Variants in ERBIN observed in about 807,000 individuals in gnomAD.
The protein encoded by ERBIN is densin-180-like protein.
Under a neutral mutation model 158.4 loss-of-function variants are expected in ERBIN, and 60 were observed. The observed-to-expected ratio is 0.38, with a 90% CI of 0.31 to 0.47. The LOEUF is 0.47. Ranked by LOEUF, ERBIN falls within the 20% of genes least tolerant of loss-of-function variation. The pLI is 0.99. For synonymous variants in ERBIN, 594 were observed against 557.2 expected, an observed-to-expected ratio of 1.07 and a Z score of -0.93; for missense variants, 1,610 against 1,648.0, an observed-to-expected ratio of 0.98 and a Z score of 0.40.
intron 14 of ERBIN, among the ~76,000 whole-genome samples, chr5:66,031,419 T>A (rs1369525686): frequency 6.6e-6 from 1 of 152,212 alleles, no homozygotes; most frequent in African/African-American, 2.4e-5. Context: ...TTTAATACAA[T>A]GTGGTTAAAA....
At chr5:66,038,509 G>T in intron 15 of ERBIN, 27 bp downstream of exon 15, 1 of 1,519,458 alleles carries the variant, frequency 6.6e-7, no homozygotes, top group South Asian at 1.2e-5. Flanking sequence ...CGATTTTCTT[G>T]TTAAAAACAA....
At chr5:66,042,432 T>A (rs181707142) in intron 15 of ERBIN, among the ~76,000 whole-genome samples, 1 of 151,052 alleles carries the variant, frequency 6.6e-6, no homozygotes, top group Non-Finnish European at 1.5e-5. Context: ...CAGGTTTTGA[T>A]TTTTTTTTGA....
chr5:66,049,434 G>A (rs1188131561), intron 19 of ERBIN, among the ~76,000 whole-genome samples: 1 of 151,970 alleles, frequency 6.6e-6, no homozygotes, highest in Non-Finnish European at 1.5e-5. Context: ...GGTTCATTTT[G>A]TAGTAGTGAT....
At chr5:65,994,970 A>C (rs956185058) in intron 4 of ERBIN, 106 bp downstream of exon 4, 7 of 681,946 alleles carry the variant, frequency 1.0e-5, no homozygotes, top group Non-Finnish European at 1.2e-5. Flanking sequence ...GTTAAATCTA[A>C]TGTATTAATA....
chr5:65,967,962 G>A (rs1748846824), intron 1 of ERBIN, among the ~76,000 whole-genome samples: 1 of 152,198 alleles, frequency 6.6e-6, no homozygotes, highest in African/African-American at 2.4e-5. Context: ...CAGAGGGCAA[G>A]TGGATGAAAG....
intron 21 of ERBIN, among the ~76,000 whole-genome samples, chr5:66,071,886 AATAAC>A (rs1761564523): frequency 1.3e-5 from 2 of 152,296 alleles, no homozygotes; most frequent in South Asian, 4.1e-4. Flanking sequence ...AAAAGGAAAA[AATAAC>A]ATGCAAAATT....
At chr5:65,965,399 T>G (rs79383165) in intron 1 of ERBIN, among the ~76,000 whole-genome samples, 121 of 7,778 alleles carry the variant, frequency 0.016, no homozygotes, top group African/African-American at 0.034. Flanking sequence ...TTTTTTTTTT[T>G]TTTTTTTTTT....
At chr5:66,015,836 A>AAAAC (rs1272707257) in intron 7 of ERBIN, among the ~76,000 whole-genome samples, 5 of 152,208 alleles carry the variant, frequency 3.3e-5, no homozygotes, top group Non-Finnish European at 7.3e-5. Flanking sequence ...ACCCTGGCTC[A>AAAAC]AAACAAACAA....
At chr5:65,940,178 G>A (rs1416360958) in intron 1 of ERBIN, among the ~76,000 whole-genome samples, 2 of 151,294 alleles carry the variant, frequency 1.3e-5, no homozygotes, top group African/African-American at 4.9e-5. Flanking sequence ...TCTAAGATGT[G>A]GGGAGCGCCT....
At chr5:66,055,746 A>G (rs1166054691) in intron 21 of ERBIN, among the ~76,000 whole-genome samples, 1 of 152,180 alleles carries the variant, frequency 6.6e-6, no homozygotes, top group African/African-American at 2.4e-5. Flanking sequence ...TCTTTATTAA[A>G]TATAAAATGT....
chr5:66,015,061 T>C (rs1397962745), intron 7 of ERBIN, among the ~76,000 whole-genome samples: 1 of 152,164 alleles, frequency 6.6e-6, no homozygotes, highest in African/African-American at 2.4e-5. Flanking sequence ...ATACACATAG[T>C]GCTCATTAGA....
At position 66,072,179 on chromosome 5, in the gene ERBIN, A is replaced by G. The variant is rs941820225; in HGVS notation, c.3644A>G (p.Gln1215Arg). The part of the protein sequence containing the change: ...EAKKLEKKHP[Q>R]TSSSGDPCQD... ...TTTCCTGCTCATTAGAAGCATCCCC[A>G]GACATCCAGTTCAGGAGATCCTTGT... The change falls in exon 22 of 26, where the codon CAG becomes CGG. Residue 1215 changes from glutamine (Q) to arginine (R), a missense_variant. Around this residue, in one of 2 missense-constraint regions of ERBIN, gnomAD observed 1,014 missense variants for 936.1 expected, o/e 1.08. Coordinates refer to ENST00000284037, the MANE Select transcript of ERBIN (RefSeq NM_001253697.2). 2 of 1,549,898 alleles carry G rather than the reference A, an allele frequency of 1.3e-6. No individual in the cohort carries two copies. Among genetic ancestry groups the G allele is most frequent in the Non-Finnish European group, 1.7e-6 (2 of 1,146,696 alleles).
At chr5:65,927,286 G>T (rs1051775915) in intron 1 of ERBIN, among the ~76,000 whole-genome samples, 1 of 152,070 alleles carries the variant, frequency 6.6e-6, no homozygotes, top group South Asian at 2.1e-4. Flanking sequence ...GTATATAGAG[G>T]TATTTATTTT....
chr5:65,939,853 A>G (rs952990404), intron 1 of ERBIN, among the ~76,000 whole-genome samples: 29 of 151,894 alleles, frequency 1.9e-4, no homozygotes, highest in South Asian at 4.1e-4. Context: ...TCAGTGCTCA[A>G]TGGTGCCCAG....
chr5:66,057,695 T>TC (rs71610513), intron 21 of ERBIN, among the ~76,000 whole-genome samples: 3 of 115,664 alleles, frequency 2.6e-5, no homozygotes, highest in Non-Finnish European at 3.5e-5. Context: ...ATGCTATCCC[T>TC]CCCCCCTCCC....
Position 66,025,981 on chromosome 5 carries a change from A to G in ERBIN, c.1020+4A>G. The G allele has an allele frequency of 6.3e-7, 1 of 1,577,138 alleles. No homozygotes were observed. The highest frequency in any genetic ancestry group is 2.3e-5 in the East Asian group (1 of 42,674). ...CTTACAGCAGTTGCCCCCAGAGGTA[A>G]TGTATTTTAGATTTGTTTAGATTTT... On this transcript the variant is annotated splice_donor_region_variant and intron_variant, in intron 12 of 25. Coordinates refer to ENST00000284037, the MANE Select transcript of ERBIN (RefSeq NM_001253697.2).
At chr5:66,028,756 C>T (rs1025441281) in intron 14 of ERBIN, among the ~76,000 whole-genome samples, 1 of 152,140 alleles carries the variant, frequency 6.6e-6, no homozygotes, top group African/African-American at 2.4e-5. Flanking sequence ...TTCCTCCTAA[C>T]TTAAATTTTG....
chr5:66,005,750 C>T (rs975466584), intron 4 of ERBIN, among the ~76,000 whole-genome samples: 1 of 152,136 alleles, frequency 6.6e-6, no homozygotes, highest in Non-Finnish European at 1.5e-5. Flanking sequence ...TCTTATACAC[C>T]AGTAACAGAC....
Position 66,035,659 on chromosome 5 carries a change from G to C in ERBIN, c.1207-2724G>C, listed in dbSNP as rs568383064. ...GTACACACTGGTATTTGTAGCCTTA[G>C]TATGAACAGATAATATATATGGTCA... is the stretch of plus-strand genomic sequence containing the variant. On this transcript the variant is annotated intron_variant, in intron 14 of 25. Coordinates refer to ENST00000284037, the MANE Select transcript of ERBIN (RefSeq NM_001253697.2). 1.2e-4 allele frequency among the ~76,000 whole-genome samples: 19 copies of C among 152,190 alleles called. No homozygotes were observed. The South Asian group carries it at 3.5e-3, about 28-fold the overall frequency.
Sources: gnomAD v4.1 joint callset for allele counts (sites outside exome capture counted in the v4.1 genomes callset) on GRCh38, gnomAD v4.1.1 for gene constraint, gnomAD v4.1.1 regional missense constraint, MANE v1.5 for transcripts, NCBI Gene and HGNC (gene_info 2026-07-23, HGNC 2026-07-21) for gene names.